The following CACNA1E variants were observed in gnomAD, a reference collection of about 807,000 sequenced individuals.
The protein encoded by CACNA1E is voltage-dependent R-type calcium channel subunit alpha-1E.
In CACNA1E, 40 loss-of-function variants were observed where a neutral mutation model predicts 259.2. That is an observed-to-expected ratio of 0.15 (90% CI 0.12 to 0.20). The LOEUF is 0.20. CACNA1E is among the 10% of genes least tolerant of loss of function. CACNA1E has a pLI of 1.00. For missense variants in CACNA1E, 1,874 were observed against 3,040.1 expected (o/e 0.62, Z 9.02); for synonymous variants, 1,104 against 1,138.5 (o/e 0.97, Z 0.61).
At chr1:181,397,296 C>T (rs537508312) in intron 1 of CACNA1E, among the ~76,000 whole-genome samples, 1 of 152,272 alleles carries the variant, frequency 6.6e-6, no homozygotes, top group Middle Eastern at 3.4e-3. Context: ...TGTCCTGAAC[C>T]CTTACAAAAC....
chr1:181,688,065 G>T (rs1002734503), intron 7 of CACNA1E, among the ~76,000 whole-genome samples: 2 of 151,980 alleles, frequency 1.3e-5, no homozygotes, highest in Non-Finnish European at 2.9e-5. Flanking sequence ...CATATGGTTT[G>T]TTCCATATAT....
chr1:181,488,432 C>A (rs1414479332), intron 1 of CACNA1E, among the ~76,000 whole-genome samples: 2 of 152,188 alleles, frequency 1.3e-5, no homozygotes, highest in Non-Finnish European at 2.9e-5. Flanking sequence ...CAGATAGTGA[C>A]TGCAGCTGGT....
At chr1:181,475,572 T>A (rs1348809451) in intron 2 of CACNA1E, among the ~76,000 whole-genome samples, 2 of 152,186 alleles carry the variant, frequency 1.3e-5, no homozygotes, top group Non-Finnish European at 2.9e-5. Context: ...GGAATGGGCA[T>A]GACACGTTTG....
At chr1:181,580,466 C>T (rs1651414985) in intron 5 of CACNA1E, 129 bp from the exon 6 acceptor site, 1 of 826,846 alleles carries the variant, frequency 1.2e-6, no homozygotes. Context: ...GAGAGGGAGC[C>T]TGAGACAAAA....
intron 6 of CACNA1E, among the ~76,000 whole-genome samples, chr1:181,625,553 T>C (rs1415631153): frequency 6.6e-6 from 1 of 152,204 alleles, no homozygotes; most frequent in African/African-American, 2.4e-5. Context: ...CAAGCTCTGC[T>C]AGTTTCCAAC....
Position 181,720,341 on chromosome 1 carries a change from A to G in CACNA1E, c.1883+4A>G, listed in dbSNP as rs369480285. ...GAATGCAGTTATTTGGAGGCAGGTA[A>G]GTGCCCAGAAGCTTTCCATCCAAAG... is the stretch of plus-strand genomic sequence containing the variant. On this transcript the variant is annotated splice_donor_region_variant and intron_variant, in intron 14 of 47. Transcript: ENST00000367573. The G allele has an allele frequency of 6.2e-7, 1 of 1,611,448 alleles. No homozygotes were observed. The highest frequency in any genetic ancestry group is 8.5e-7 in the Non-Finnish European group (1 of 1,179,030).
At chr1:181,379,430 C>A (rs559100582) in intron 1 of CACNA1E, among the ~76,000 whole-genome samples, 2 of 152,288 alleles carry the variant, frequency 1.3e-5, no homozygotes, top group East Asian at 3.9e-4. Context: ...ATTGCATAAT[C>A]AAGGCATATC....
intron 6 of CACNA1E, among the ~76,000 whole-genome samples, chr1:181,608,662 G>A (rs1272193894): frequency 6.6e-6 from 1 of 152,122 alleles, no homozygotes; most frequent in African/African-American, 2.4e-5. Flanking sequence ...GAGACCCCAG[G>A]GCACAGAGAA....
chr1:181,575,410 C>T (rs1650871724), intron 3 of CACNA1E, among the ~76,000 whole-genome samples: 1 of 152,162 alleles, frequency 6.6e-6, no homozygotes, highest in Admixed American at 6.5e-5. Context: ...GTTCTCTTTC[C>T]CATTTCTCTG....
chr1:181,763,212 G>A (rs1658738690), intron 33 of CACNA1E, among the ~76,000 whole-genome samples, 194 bp from the exon 34 acceptor site: 1 of 152,108 alleles, frequency 6.6e-6, no homozygotes, highest in African/African-American at 2.4e-5. Context: ...CTTCTACCTG[G>A]GGATAGAGAG....
At chr1:181,440,196 T>G (rs570303764) in intron 2 of CACNA1E, among the ~76,000 whole-genome samples, 1 of 152,012 alleles carries the variant, frequency 6.6e-6, no homozygotes, top group Non-Finnish European at 1.5e-5. Flanking sequence ...GTTGCATGAG[T>G]GTGCGGGGGA....
chr1:181,719,020 AT>A, intron 12 of CACNA1E, among the ~76,000 whole-genome samples: 1 of 152,302 alleles, frequency 6.6e-6, no homozygotes, highest in South Asian at 2.1e-4. Context: ...ACACTTGCTA[AT>A]CTACATTTTA....
At chr1:181,774,718 C>T (rs949954090) in intron 37 of CACNA1E, among the ~76,000 whole-genome samples, 1 of 152,232 alleles carries the variant, frequency 6.6e-6, no homozygotes, top group Non-Finnish European at 1.5e-5. Flanking sequence ...TAGAAAGACT[C>T]CAACCATGTC....
intron 7 of CACNA1E, among the ~76,000 whole-genome samples, chr1:181,654,939 C>T (rs1232365879): frequency 6.9e-6 from 1 of 143,964 alleles, no homozygotes; most frequent in African/African-American, 2.6e-5. Flanking sequence ...GAGCCAAGAT[C>T]ACGCCACTGC....
At chr1:181,775,005 CTATT>C (rs1659850473) in intron 37 of CACNA1E, among the ~76,000 whole-genome samples, 1 of 152,202 alleles carries the variant, frequency 6.6e-6, no homozygotes, top group East Asian at 1.9e-4. Context: ...AGGTTTCTCT[CTATT>C]TACAGATCTC....
intron 1 of CACNA1E, among the ~76,000 whole-genome samples, chr1:181,492,392 CT>C (rs970599049): frequency 4.6e-5 from 7 of 152,290 alleles, no homozygotes; most frequent in African/African-American, 1.7e-4. Context: ...CTCATTACCA[CT>C]TTTTTTGTTC....
chr1:181,396,914 T>C (rs1160737052), intron 1 of CACNA1E, among the ~76,000 whole-genome samples: 1 of 152,206 alleles, frequency 6.6e-6, no homozygotes, highest in African/African-American at 2.4e-5. Flanking sequence ...GGGTAAAGAC[T>C]GGAGCTACTT....
chr1:181,711,956 A>T (rs899832956), intron 8 of CACNA1E, among the ~76,000 whole-genome samples: 7 of 152,308 alleles, frequency 4.6e-5, no homozygotes, highest in South Asian at 2.1e-4. Flanking sequence ...CATTGAGAAT[A>T]GACCATAGAA....
intron 6 of CACNA1E, among the ~76,000 whole-genome samples, chr1:181,593,012 G>T (rs957549429): frequency 3.3e-5 from 5 of 152,120 alleles, no homozygotes; most frequent in African/African-American, 1.2e-4. Flanking sequence ...TCTCCTCTTT[G>T]TAAGTATTGA....
Sources: allele counts gnomAD v4.1 joint callset (sites outside exome capture counted in the v4.1 genomes callset), GRCh38; gene constraint gnomAD v4.1.1; transcripts MANE v1.5; gene names NCBI Gene and HGNC (gene_info 2026-07-23, HGNC 2026-07-21).